RETREG1: variants seen among roughly 807,000 people sequenced by gnomAD.
RETREG1 encodes the protein reticulophagy regulator 1.
A neutral mutation model predicts 54.8 loss-of-function variants in RETREG1; 44 were observed. The observed-to-expected ratio is 0.80, with a 90% confidence interval of 0.63 to 1.03. The LOEUF is 1.03. Among genes scored for constraint, RETREG1 ranks in the 50% least tolerant of loss-of-function variants. The pLI, the probability that RETREG1 is intolerant of heterozygous loss-of-function variation, is 0.00. For missense variants in RETREG1, 554 were observed against 605.1 expected, an observed-to-expected ratio of 0.92 and a Z score of 0.89; for synonymous variants, 217 against 238.5, an observed-to-expected ratio of 0.91 and a Z score of 0.83.
At chr5:16,528,589 G>A (rs954902900) in intron 3 of RETREG1, among the ~76,000 whole-genome samples, 1 of 152,154 alleles carries the variant, frequency 6.6e-6, no homozygotes, top group Non-Finnish European at 1.5e-5. Flanking sequence ...AGGGGGTTCT[G>A]AGACACATCT....
At chr5:16,529,738 T>C (rs1025708587) in intron 3 of RETREG1, among the ~76,000 whole-genome samples, 1 of 152,168 alleles carries the variant, frequency 6.6e-6, no homozygotes, top group Non-Finnish European at 1.5e-5. Context: ...CATCCTTAAT[T>C]GCACCAGTGC....
chr5:16,545,083 C>T (rs1462085015), intron 3 of RETREG1, among the ~76,000 whole-genome samples: 1 of 152,144 alleles, frequency 6.6e-6, no homozygotes, highest in Non-Finnish European at 1.5e-5. Context: ...AGCAAAGCAA[C>T]ACATTTCAAT....
At chr5:16,493,635 A>G (rs1739337902) in intron 3 of RETREG1, among the ~76,000 whole-genome samples, 1 of 152,208 alleles carries the variant, frequency 6.6e-6, no homozygotes, top group South Asian at 2.1e-4. Flanking sequence ...ACAATTTCTG[A>G]TGAATTTCAA....
intron 3 of RETREG1, among the ~76,000 whole-genome samples, chr5:16,516,631 C>G (rs1368921509): frequency 6.6e-6 from 1 of 152,188 alleles, no homozygotes; most frequent in Non-Finnish European, 1.5e-5. Flanking sequence ...CTGGCCAGGT[C>G]TGTGAATTCA....
chr5:16,480,959 G>T, intron 5 of RETREG1, 50 bp downstream of exon 5: 1 of 1,258,470 alleles, frequency 7.9e-7, no homozygotes, highest in Non-Finnish European at 1.2e-6. Context: ...TGACCGTAAG[G>T]TGATACCATA....
chr5:16,602,389 C>G (rs936641922), intron 1 of RETREG1, among the ~76,000 whole-genome samples: 1 of 152,044 alleles, frequency 6.6e-6, no homozygotes, highest in African/African-American at 2.4e-5. Context: ...AGTGGGGTAT[C>G]AGAGGAGACC....
At chr5:16,570,120 C>T (rs925009692) in intron 2 of RETREG1, among the ~76,000 whole-genome samples, 8 of 152,200 alleles carry the variant, frequency 5.3e-5, no homozygotes, top group African/African-American at 1.9e-4. Context: ...TCATTTATTA[C>T]AACAGCCACA....
chr5:16,492,614 T>C (rs909233316), intron 3 of RETREG1, among the ~76,000 whole-genome samples: 2 of 152,166 alleles, frequency 1.3e-5, no homozygotes, highest in African/African-American at 4.8e-5. Context: ...TCTCTACTGG[T>C]AGTGGACATC....
At chr5:16,588,670 G>A (rs1038269446) in intron 1 of RETREG1, among the ~76,000 whole-genome samples, 17 of 152,226 alleles carry the variant, frequency 1.1e-4, no homozygotes, top group African/African-American at 3.9e-4. Flanking sequence ...TAAACAAAGT[G>A]AGATCAAGGC....
intron 3 of RETREG1, among the ~76,000 whole-genome samples, chr5:16,488,785 T>A (rs757438081): frequency 6.6e-6 from 1 of 152,002 alleles, no homozygotes; most frequent in African/African-American, 2.4e-5. Context: ...TCCTAACAAG[T>A]CTTAAAAGCA....
intron 2 of RETREG1, 46 bp downstream of exon 2, chr5:16,571,950 G>T (rs1742180644): frequency 1.4e-6 from 2 of 1,402,044 alleles, no homozygotes; most frequent in Non-Finnish European, 2.0e-6. Context: ...GAAATGCAGG[G>T]TCTAGAAAAT....
chr5:16,519,534 A>ATCTTT (rs1271099207), intron 3 of RETREG1, among the ~76,000 whole-genome samples: 10 of 152,138 alleles, frequency 6.6e-5, no homozygotes, highest in Non-Finnish European at 1.3e-4. Context: ...TAACCCAGTT[A>ATCTTT]CCCTTTTATC....
intron 1 of RETREG1, among the ~76,000 whole-genome samples, chr5:16,602,442 C>T (rs1743077676): frequency 6.6e-6 from 1 of 152,122 alleles, no homozygotes; most frequent in Non-Finnish European, 1.5e-5. Context: ...GAGGCGAGTT[C>T]CTGGGAACTC....
chr5:16,537,940 A>G (rs554411576), intron 3 of RETREG1, among the ~76,000 whole-genome samples: 1 of 152,288 alleles, frequency 6.6e-6, no homozygotes, highest in East Asian at 1.9e-4. Context: ...AGGAATTCTC[A>G]GCTCTCCAGT....
At chr5:16,549,787 A>G (rs540477172) in intron 3 of RETREG1, among the ~76,000 whole-genome samples, 41 of 152,344 alleles carry the variant, frequency 2.7e-4, no homozygotes, top group African/African-American at 9.6e-4. Flanking sequence ...ATGACTCCTG[A>G]GTCATGATTG....
intron 1 of RETREG1, among the ~76,000 whole-genome samples, chr5:16,595,152 C>A (rs745659284): frequency 6.6e-6 from 1 of 152,178 alleles, no homozygotes; most frequent in Non-Finnish European, 1.5e-5. Flanking sequence ...GTGAGAGTCC[C>A]GTCAGGATGG....
Position 16,593,154 on chromosome 5 carries a change from C to T in RETREG1, c.321-21052G>A, listed in dbSNP as rs1485321250. On this transcript the variant is annotated intron_variant, in intron 1 of 8. Transcript: ENST00000306320. This position sits in a 1 kb window ranked among gnomAD's most constrained non-coding sequence, Gnocchi z 4.9. ...CTCACCATCCCATGCCCAGTGGTCA[C>T]ACTCAGCAAGGAAAACTCCACCCAG... Among the ~76,000 whole-genome samples the T allele has an allele frequency of 6.6e-6, 1 of 152,178 alleles. No individual in the cohort carries two copies. The highest frequency in any genetic ancestry group is 1.5e-5 in the Non-Finnish European group (1 of 68,024).
At chr5:16,530,730 G>A (rs554142385) in intron 3 of RETREG1, among the ~76,000 whole-genome samples, 2 of 152,260 alleles carry the variant, frequency 1.3e-5, no homozygotes, top group East Asian at 3.9e-4. Context: ...AAAATTAGCT[G>A]GGTGTGGAGG....
intron 3 of RETREG1, among the ~76,000 whole-genome samples, chr5:16,529,697 G>C (rs1366349988): frequency 6.6e-6 from 1 of 151,956 alleles, no homozygotes; most frequent in East Asian, 1.9e-4. Context: ...TGAGTTCTTA[G>C]CTATATCCGC....
Sources: gnomAD v4.1 joint callset for allele counts (sites outside exome capture counted in the v4.1 genomes callset) on GRCh38, gnomAD v4.1.1 for gene constraint, Gnocchi (gnomAD v3.1) non-coding constraint, MANE v1.5 for transcripts, NCBI Gene and HGNC (gene_info 2026-07-23, HGNC 2026-07-21) for gene names.